CNTN5: variants seen among roughly 807,000 people sequenced by gnomAD.
The protein encoded by CNTN5 is contactin-5.
In CNTN5, 77 loss-of-function variants were observed where a neutral mutation model predicts 129.1. The observed-to-expected ratio is 0.60, with a 90% confidence interval of 0.50 to 0.72. The LOEUF is 0.72. CNTN5 is among the 30% of genes least tolerant of loss of function. CNTN5 has a pLI of 0.00. For synonymous variants in CNTN5, 509 were observed against 465.6 expected (o/e 1.09, Z -1.20); for missense variants, 1,478 against 1,328.8 (o/e 1.11, Z -1.75).
chr11:99,616,913 C>T (rs11220653), intron 3 of CNTN5, among the ~76,000 whole-genome samples: 1 of 152,190 alleles, frequency 6.6e-6, no homozygotes, highest in Non-Finnish European at 1.5e-5. Flanking sequence ...GAGTTCGAGA[C>T]CAGCCTGGCC....
chr11:99,927,105 A>G (rs1950079512), intron 7 of CNTN5, among the ~76,000 whole-genome samples: 1 of 152,182 alleles, frequency 6.6e-6, no homozygotes, highest in Non-Finnish European at 1.5e-5. Context: ...GAGTTATATT[A>G]TTTGGACACA....
chr11:99,957,075 T>C, intron 8 of CNTN5, 66 bp downstream of exon 8: 1 of 1,365,124 alleles, frequency 7.3e-7, no homozygotes, highest in Non-Finnish European at 1.0e-6. Flanking sequence ...TGTATTAGTG[T>C]GTGTTTTTTT....
At position 100,313,851 on chromosome 11, in the gene CNTN5, TA is replaced by T. The variant is rs531034094; in HGVS notation, c.2730+5390del. Among the ~76,000 whole-genome samples the T allele has an allele frequency of 3.2e-4, 48 of 151,964 alleles. 1 individual carries two copies. In the South Asian group the frequency reaches 7.7e-3, roughly 24 times the overall value. On this transcript the variant is annotated intron_variant, in intron 21 of 24. Transcript: ENST00000524871. Reference sequence around the variant, plus strand: ...TTGTAGCAGGAATACCACGTATGAATAAAAAAAGTTAAAGGAGTTGACCAAA... The same window carrying T: ...TTGTAGCAGGAATACCACGTATGAATAAAAAAGTTAAAGGAGTTGACCAAA...
At chr11:100,332,371 A>T (rs1336543332) in intron 21 of CNTN5, among the ~76,000 whole-genome samples, 2 of 152,274 alleles carry the variant, frequency 1.3e-5, no homozygotes, top group Non-Finnish European at 2.9e-5. Flanking sequence ...AAAGTCGAGG[A>T]TCACATGGAT....
intron 1 of CNTN5, among the ~76,000 whole-genome samples, chr11:99,080,020 A>T (rs1222843104): frequency 6.6e-6 from 1 of 152,224 alleles, no homozygotes; most frequent in African/African-American, 2.4e-5. Flanking sequence ...CACATGTGTA[A>T]CACGAAGCCT....
At chr11:99,215,707 C>A (rs561280024) in intron 1 of CNTN5, among the ~76,000 whole-genome samples, 7 of 152,160 alleles carry the variant, frequency 4.6e-5, no homozygotes, top group Non-Finnish European at 1.0e-4. Flanking sequence ...AGAAAGGCAG[C>A]TAGTCATTTG....
chr11:99,389,079 G>T (rs1357288349), intron 2 of CNTN5, among the ~76,000 whole-genome samples: 3 of 143,624 alleles, frequency 2.1e-5, no homozygotes, highest in African/African-American at 7.7e-5. Context: ...GCCCAGGCTG[G>T]AGTGCAATGG....
At chr11:100,030,391 G>C (rs554218612) in intron 9 of CNTN5, among the ~76,000 whole-genome samples, 1 of 152,066 alleles carries the variant, frequency 6.6e-6, no homozygotes, top group Non-Finnish European at 1.5e-5. Context: ...ATAAATAAAT[G>C]CAGTGACTGT....
intron 13 of CNTN5, among the ~76,000 whole-genome samples, chr11:100,179,668 C>A (rs187160543): frequency 0.011 from 1,687 of 151,982 alleles, 19 homozygotes; most frequent in Non-Finnish European, 0.018. Context: ...CTGCATTTAC[C>A]TGATTATACC....
At chr11:99,638,317 G>A (rs1951640421) in intron 3 of CNTN5, among the ~76,000 whole-genome samples, 1 of 152,092 alleles carries the variant, frequency 6.6e-6, no homozygotes, top group South Asian at 2.1e-4. Flanking sequence ...CACAACATGT[G>A]GGAATTCTGG....
intron 13 of CNTN5, among the ~76,000 whole-genome samples, chr11:100,114,218 A>G (rs907556036): frequency 6.6e-6 from 1 of 152,204 alleles, no homozygotes; most frequent in Non-Finnish European, 1.5e-5. Flanking sequence ...TCAAAATTTG[A>G]TTTAAAATAT....
At chr11:99,751,820 G>A (rs767449878) in intron 3 of CNTN5, among the ~76,000 whole-genome samples, 1 of 152,160 alleles carries the variant, frequency 6.6e-6, no homozygotes, top group Non-Finnish European at 1.5e-5. Flanking sequence ...CAAATGTGGG[G>A]TCTTTACAAG....
chr11:99,847,965 C>A (rs1285595841), intron 6 of CNTN5, among the ~76,000 whole-genome samples: 1 of 152,218 alleles, frequency 6.6e-6, no homozygotes, highest in Admixed American at 6.5e-5. Context: ...ATAACCCCAG[C>A]ATTTTGGGCA....
chr11:99,454,679 T>C (rs768503766), intron 2 of CNTN5, among the ~76,000 whole-genome samples: 17 of 152,120 alleles, frequency 1.1e-4, no homozygotes, highest in Non-Finnish European at 2.4e-4. Context: ...AATTACCCAG[T>C]CCCAGACAAT....
intron 8 of CNTN5, among the ~76,000 whole-genome samples, chr11:99,960,120 G>T (rs1176913900): frequency 6.6e-6 from 1 of 151,978 alleles, no homozygotes; most frequent in African/African-American, 2.4e-5. Flanking sequence ...TGCACGTCTT[G>T]GTTACTCAAG....
intron 1 of CNTN5, among the ~76,000 whole-genome samples, chr11:99,147,694 G>A (rs1433702131): frequency 3.3e-5 from 5 of 152,042 alleles, no homozygotes; most frequent in Admixed American, 2.6e-4. Context: ...TTTATTAAAG[G>A]GACATTATAA....
intron 13 of CNTN5, among the ~76,000 whole-genome samples, chr11:100,078,667 TA>T (rs1236130125): frequency 6.6e-6 from 1 of 152,156 alleles, no homozygotes; most frequent in Admixed American, 6.6e-5. Context: ...ATTATCTTAC[TA>T]AATTAAAAGA....
At chr11:99,315,253 A>G (rs558663227) in intron 1 of CNTN5, among the ~76,000 whole-genome samples, 2 of 149,664 alleles carry the variant, frequency 1.3e-5, no homozygotes, top group African/African-American at 4.9e-5. Flanking sequence ...AGTATTACAA[A>G]TGACCTCAGG....
chr11:100,069,726 C>T (rs992452543), intron 10 of CNTN5, among the ~76,000 whole-genome samples: 5 of 152,022 alleles, frequency 3.3e-5, no homozygotes, highest in East Asian at 1.9e-4. Flanking sequence ...TATTTTTATA[C>T]GTATTTCTTT....
Sources: gnomAD v4.1 joint callset for allele counts (sites outside exome capture counted in the v4.1 genomes callset) on GRCh38, gnomAD v4.1.1 for gene constraint, MANE v1.5 for transcripts, NCBI Gene and HGNC (gene_info 2026-07-23, HGNC 2026-07-21) for gene names.